PRDM2: variants seen among roughly 807,000 people sequenced by gnomAD.
The protein encoded by PRDM2 is PR domain zinc finger protein 2.
Under a neutral mutation model 130.0 loss-of-function variants are expected in PRDM2, and 30 were observed. That is an observed-to-expected ratio of 0.23 (90% CI 0.17 to 0.31). PRDM2 has a LOEUF of 0.31. Among genes scored for constraint, PRDM2 ranks in the 10% least tolerant of loss-of-function variants. The probability of loss-of-function intolerance (pLI) is 1.00; values close to 1 mark genes in which losing one functional copy is unlikely to be tolerated. For missense variants in PRDM2, 2,011 were observed against 2,108.4 expected (o/e 0.95, Z 0.90); for synonymous variants, 871 against 782.4 (o/e 1.11, Z -1.89).
chr1:13,731,099 G>A lies in PRDM2; in HGVS notation c.109G>A (p.Val37Ile), dbSNP rs745424016. The change falls in exon 3 of 10, where the codon GTT becomes ATT. Residue 37 changes from valine (V) to isoleucine (I), a missense_variant. Physicochemically the swap from Val to Ile is conservative, Grantham distance 29 (BLOSUM62 3). Transcript: ENST00000311066. ...GGAAGTGAGGCTTTTCCCTTCTGCT[G>A]TTGACAAGACCCGGATTGGTGAGTG... ...PEEVRLFPSA[V>I]DKTRIGVWAT... 6.2e-7 allele frequency: 1 copy of A among 1,612,940 alleles called. No individual in the cohort carries two copies. Among genetic ancestry groups the A allele is most frequent in the South Asian group, 1.1e-5 (1 of 91,012 alleles).
intron 8 of PRDM2, among the ~76,000 whole-genome samples, chr1:13,800,076 C>T (rs961222590): frequency 2.0e-5 from 3 of 151,854 alleles, no homozygotes; most frequent in African/African-American, 7.3e-5. Flanking sequence ...TTCATTCATT[C>T]ATTCATTCAT....
chr1:13,700,672 C>T (rs1642045979), intron 1 of PRDM2, among the ~76,000 whole-genome samples: 1 of 151,630 alleles, frequency 6.6e-6, no homozygotes, highest in South Asian at 2.1e-4. Context: ...TGGGGCCCCA[C>T]GTGGGGCCGG....
chr1:13,810,921 A>G (rs938116558), intron 8 of PRDM2, among the ~76,000 whole-genome samples: 1 of 151,154 alleles, frequency 6.6e-6, no homozygotes, highest in African/African-American at 2.4e-5. Context: ...GTGGTGGCTC[A>G]TGCTTATAAT....
At chr1:13,795,222 T>A (rs998394938) in intron 8 of PRDM2, among the ~76,000 whole-genome samples, 2 of 152,230 alleles carry the variant, frequency 1.3e-5, no homozygotes, top group Non-Finnish European at 2.9e-5. Flanking sequence ...AATAATAATG[T>A]AAGGATGATC....
chr1:13,721,438 A>G (rs1428191365), intron 2 of PRDM2, among the ~76,000 whole-genome samples: 1 of 151,870 alleles, frequency 6.6e-6, no homozygotes, highest in African/African-American at 2.4e-5. Flanking sequence ...ATAAATATGA[A>G]TCTGATTTTT....
At chr1:13,732,744 T>C (rs1259916051) in intron 3 of PRDM2, 35 bp from the exon 4 acceptor site, 1 of 1,413,280 alleles carries the variant, frequency 7.1e-7, no homozygotes. Flanking sequence ...AAAATAACCA[T>C]GATACATTAT....
chr1:13,780,121 G>C lies in PRDM2; in HGVS notation c.2326G>C (p.Glu776Gln), dbSNP rs772772918. 1.2e-6 allele frequency: 2 copies of C among 1,612,060 alleles called. No individual in the cohort carries two copies. Among genetic ancestry groups the C allele is most frequent in the East Asian group, 2.2e-5 (1 of 44,848 alleles). ...AGLTSKKSKL[E>Q]SHSDSPAWSL... ...GCTGACTTCCAAAAAATCCAAATTA[G>C]AAAGTCACAGCGACTCACCAGCATG... is the stretch of plus-strand genomic sequence containing the variant. The change falls in exon 8 of 10, where the codon GAA (glutamate) becomes CAA (glutamine). Residue 776 changes from glutamate (E) to glutamine (Q), a missense_variant. By Grantham distance (29) the Glu-to-Gln change is conservative. Coordinates refer to ENST00000311066, the MANE Select transcript of PRDM2 (RefSeq NM_001393986.1).
intron 8 of PRDM2, among the ~76,000 whole-genome samples, chr1:13,797,506 T>C (rs1197688976): frequency 6.6e-6 from 1 of 152,240 alleles, no homozygotes; most frequent in Non-Finnish European, 1.5e-5. Context: ...TTTTAAAAAT[T>C]ACAGACACAG....
At chr1:13,821,955 GT>G (rs1440816550) in intron 9 of PRDM2, among the ~76,000 whole-genome samples, 2 of 152,198 alleles carry the variant, frequency 1.3e-5, no homozygotes, top group Non-Finnish European at 2.9e-5. Context: ...CTGCAGGCTT[GT>G]AAAAGTTATT....
At chr1:13,783,745 G>A (rs1644675820) in intron 8 of PRDM2, among the ~76,000 whole-genome samples, 1 of 152,172 alleles carries the variant, frequency 6.6e-6, no homozygotes. Context: ...TGCTGTTTCT[G>A]AATAGTTCAG....
intron 4 of PRDM2, among the ~76,000 whole-genome samples, chr1:13,741,302 G>A (rs1024824072): frequency 6.6e-6 from 1 of 152,194 alleles, no homozygotes; most frequent in Non-Finnish European, 1.5e-5. Flanking sequence ...TCCTGGAAGG[G>A]GTTGAGGTTT....
intron 5 of PRDM2, among the ~76,000 whole-genome samples, chr1:13,745,399 G>C (rs575520979): frequency 2.7e-4 from 41 of 151,816 alleles, no homozygotes; most frequent in Non-Finnish European, 5.0e-4. Flanking sequence ...TAGGAGCAAA[G>C]ACCTTGGAGT....
At chr1:13,747,437 C>A (rs575695807) in intron 5 of PRDM2, among the ~76,000 whole-genome samples, 3 of 152,128 alleles carry the variant, frequency 2.0e-5, no homozygotes, top group Non-Finnish European at 4.4e-5. Flanking sequence ...AAAAGGCGTT[C>A]TTGATGGCTG....
At chr1:13,703,262 C>CTG (rs1024657875) in intron 1 of PRDM2, among the ~76,000 whole-genome samples, 1 of 152,216 alleles carries the variant, frequency 6.6e-6, no homozygotes, top group African/African-American at 2.4e-5. Flanking sequence ...GAGGACGATC[C>CTG]TGTACACTGT....
chr1:13,811,420 G>A (rs1158945812), intron 8 of PRDM2, among the ~76,000 whole-genome samples: 1 of 152,196 alleles, frequency 6.6e-6, no homozygotes, highest in African/African-American at 2.4e-5. Flanking sequence ...CCTTGTAACT[G>A]GAGGCAGTGC....
intron 8 of PRDM2, among the ~76,000 whole-genome samples, chr1:13,802,428 C>T (rs749787084): frequency 2.6e-5 from 4 of 152,188 alleles, no homozygotes; most frequent in Non-Finnish European, 5.9e-5. Flanking sequence ...TCATTGTTAG[C>T]ATCCCTGGAC....
intron 5 of PRDM2, among the ~76,000 whole-genome samples, chr1:13,747,565 G>A (rs1183589256): frequency 1.3e-5 from 2 of 151,978 alleles, no homozygotes; most frequent in African/African-American, 2.4e-5. Context: ...CTTCTTAGGG[G>A]TGGGTGAGAG....
intron 6 of PRDM2, among the ~76,000 whole-genome samples, chr1:13,765,081 C>G (rs912224610): frequency 1.3e-5 from 2 of 152,206 alleles, no homozygotes; most frequent in African/African-American, 4.8e-5. Flanking sequence ...CTGATCGCGC[C>G]TTGACCAGTT....
In PRDM2 at chr1:13,779,016, A is replaced by ACATGAGCGGCGC. The variant is rs772108041; in HGVS notation, c.1227_1238dup (p.Arg410_Glu413dup). The ACATGAGCGGCGC allele has an allele frequency of 1.3e-5, 21 of 1,614,074 alleles. No individual in the cohort carries two copies. The highest frequency in any genetic ancestry group is 1.8e-5 in the Non-Finnish European group (21 of 1,180,030). ...TTGGCACACAGATTAACCGGCGGCGACATGAGCGGCGCCATGAAGCAGGGT... is the reference window on the plus strand; with the variant it reads ...TTGGCACACAGATTAACCGGCGGCGACATGAGCGGCGCCATGAGCGGCGCCATGAAGCAGGGT... On this transcript the variant is annotated inframe_insertion, in exon 8 of 10. Coordinates refer to ENST00000311066, the MANE Select transcript of PRDM2 (RefSeq NM_001393986.1). The surrounding 1 kb of genome is among the most constrained non-coding windows in gnomAD (Gnocchi z 4.9).
Sources: allele counts gnomAD v4.1 joint callset (sites outside exome capture counted in the v4.1 genomes callset), GRCh38; gene constraint gnomAD v4.1.1; non-coding constraint Gnocchi (gnomAD v3.1); transcripts MANE v1.5; gene names NCBI Gene and HGNC (gene_info 2026-07-23, HGNC 2026-07-21).